The following TMEM250 variants were observed in gnomAD, a reference collection of about 807,000 sequenced individuals.
The protein encoded by TMEM250 is transmembrane protein 250.
In TMEM250, 7 loss-of-function variants were observed where a neutral mutation model predicts 7.0. The observed-to-expected ratio is 1.00, with a 90% CI of 0.57 to 1.87. The LOEUF (loss-of-function observed/expected upper bound fraction) is 1.87, where lower values mean the gene tolerates loss of function less well. TMEM250 is among the 40% of genes most tolerant of loss of function. The pLI is 0.00. For missense variants in TMEM250, 196 were observed against 202.5 expected, an observed-to-expected ratio of 0.97 and a Z score of 0.19; for synonymous variants, 135 against 96.7, an observed-to-expected ratio of 1.40 and a Z score of -2.32.
At position 136,117,024 on chromosome 9, in the gene TMEM250, C is replaced by T; in HGVS notation, c.-124G>A. 7.4e-7 allele frequency: 1 copy of T among 1,344,744 alleles called. No individual in the cohort carries two copies. The allele number at this position is 1,344,744 out of a possible 1,614,324, so 83.3% of individuals were successfully genotyped here. The stretch of plus-strand genomic sequence containing the variant: ...AGCTGACCCTGGGGGGAGGCGTCGG[C>T]CTGCGGGGAGAGCCGCAAAACCCAC... On this transcript the variant is annotated splice_region_variant and 5_prime_UTR_variant, in exon 2 of 2. Transcript: ENST00000418388.
In TMEM250 at chr9:136,116,747, CGTACAGCCAGCGCGTCTTGAT is replaced by C. The variant is rs764610468; in HGVS notation, c.133_153del (p.Ile45_Tyr51del). The C allele has an allele frequency of 1.9e-6, 3 of 1,612,406 alleles. No individual in the cohort carries two copies. The highest frequency in any genetic ancestry group is 1.3e-5 in the African/African-American group (1 of 74,932). Reference sequence around the variant, plus strand: ...AAGTAGAGTAGGAAGCGGATGAAGCCGTACAGCCAGCGCGTCTTGATGTACACGTCGAAGTTGTTGTACTTG... The same window carrying C: ...AAGTAGAGTAGGAAGCGGATGAAGCCGTACACGTCGAAGTTGTTGTACTTG... On this transcript the variant is annotated inframe_deletion, in exon 2 of 2. Transcript: ENST00000418388.
In TMEM250 at chr9:136,116,933, TGGCGGCGGC is replaced by T; in HGVS notation, c.-42_-34del. On this transcript the variant is annotated 5_prime_UTR_variant, in exon 2 of 2. Transcript: ENST00000418388. Reference sequence around the variant, plus strand: ...CGGCGGCGGCGGCGCTAGGTCGCAGTGGCGGCGGCGGTGTCCAGGCGGCTGTTGGCGTAG... The same window carrying T: ...CGGCGGCGGCGGCGCTAGGTCGCAGTGGTGTCCAGGCGGCTGTTGGCGTAG... The T allele has an allele frequency of 7.0e-7, 1 of 1,429,318 alleles. No individual in the cohort carries two copies. The highest frequency in any genetic ancestry group is 1.5e-5 in the South Asian group (1 of 67,410). 88.5% of individuals were successfully genotyped at this position (1,429,318 alleles called of 1,614,324 possible).
In TMEM250 at chr9:136,116,078, C is replaced by T. The variant is rs577092771; in HGVS notation, c.*403G>A. The T allele has an allele frequency of 4.8e-6, 2 of 416,666 alleles. No individual in the cohort carries two copies. The highest frequency in any genetic ancestry group is 2.0e-5 in the African/African-American group (1 of 48,966). The allele number at this position is 416,666 out of a possible 1,614,324, so 25.8% of individuals were successfully genotyped here. A position where few individuals can be genotyped will look rare whatever the true frequency, so the allele number is the denominator to read the frequency against. ...AGAAGGGGCTGTGCAGCCAGGAGGG[C>T]CCCCCTCCGGAATTGCTCCTGGGCA... On this transcript the variant is annotated 3_prime_UTR_variant, in exon 2 of 2. Coordinates refer to ENST00000418388, the MANE Select transcript of TMEM250 (RefSeq NM_152833.3).
Position 136,115,164 on chromosome 9 carries a change from C to T in TMEM250, c.*1317G>A, listed in dbSNP as rs1274966115. On this transcript the variant is annotated 3_prime_UTR_variant, in exon 2 of 2. Transcript: ENST00000418388. ...GAGGTGACACTAGGGTTGTCAGTAC[C>T]ACACCCTGTGTCCTGCTCTAGGGTA... is the stretch of plus-strand genomic sequence containing the variant. The T allele has an allele frequency of 6.6e-6, 1 of 152,256 alleles. No homozygotes were observed. The highest frequency in any genetic ancestry group is 1.5e-5 in the Non-Finnish European group (1 of 68,064). The allele number at this position is 152,256 out of a possible 1,614,324, so 9.4% of individuals were successfully genotyped here. A position where few individuals can be genotyped will look rare whatever the true frequency, so the allele number is the denominator to read the frequency against.
Position 136,116,726 on chromosome 9 carries a change from A to G in TMEM250, c.175T>C (p.Tyr59His). The change falls in exon 2 of 2, where the codon TAC becomes CAC. Residue 59 changes from tyrosine to histidine, a missense_variant. Physicochemically the swap from Tyr to His is moderately conservative, Grantham distance 83. Coordinates refer to ENST00000418388, the MANE Select transcript of TMEM250 (RefSeq NM_152833.3). ...WLYGFIRFLLYFSCSLFTAAL... is the reference protein window; with the variant it reads ...WLYGFIRFLLHFSCSLFTAAL... The stretch of plus-strand genomic sequence containing the variant: ...GCAGTGAACAGGCTGCAGCTAAAGT[A>G]GAGTAGGAAGCGGATGAAGCCGTAC... The G allele has an allele frequency of 6.2e-7, 1 of 1,612,516 alleles. No homozygotes were observed. The highest frequency in any genetic ancestry group is 8.5e-7 in the Non-Finnish European group (1 of 1,179,744).
rs569324479 is a variant in TMEM250, at chr9:136,116,454, G to T, written c.*27C>A. ...AGAGAACACAGCCACAGGCCGGGAC[G>T]ATACATCAAGCTCGCACCCACGGCC... On this transcript the variant is annotated 3_prime_UTR_variant, in exon 2 of 2. Coordinates refer to ENST00000418388, the MANE Select transcript of TMEM250 (RefSeq NM_152833.3). The T allele has an allele frequency of 4.7e-6, 7 of 1,502,248 alleles. No homozygotes were observed. In the African/African-American group the frequency reaches 8.3e-5, roughly 18 times the overall value. The allele number at this position is 1,502,248 out of a possible 1,614,324, so 93.1% of individuals were successfully genotyped here.
Position 136,116,321 on chromosome 9 carries a change from C to T in TMEM250, c.*160G>A. On this transcript the variant is annotated 3_prime_UTR_variant, in exon 2 of 2. Coordinates refer to ENST00000418388, the MANE Select transcript of TMEM250 (RefSeq NM_152833.3). Reference sequence around the variant, plus strand: ...AGCCAGCCTAGGGGTGGTGTCCGCGCCCCCATCACAGAAGTCTCAGCCCTT... The same window carrying T: ...AGCCAGCCTAGGGGTGGTGTCCGCGTCCCCATCACAGAAGTCTCAGCCCTT... 4.3e-6 allele frequency: 6 copies of T among 1,393,402 alleles called. No individual in the cohort carries two copies. The South Asian group carries it at 9.1e-5, about 21-fold the overall frequency. The allele number at this position is 1,393,402 out of a possible 1,614,324, so 86.3% of individuals were successfully genotyped here.
At chr9:136,118,102 C>A (rs1438008914) in intron 1 of TMEM250, 2 of 152,244 alleles carry the variant, frequency 1.3e-5, no homozygotes, top group Admixed American at 6.5e-5. Flanking sequence ...GGCTCCTCCA[C>A]GGGGTGCAGG....
At position 136,118,819 on chromosome 9, in the gene TMEM250, C is replaced by T. The variant is rs902332182; in HGVS notation, c.-459G>A. 5.9e-5 allele frequency: 9 copies of T among 152,216 alleles called. No homozygotes were observed. Among genetic ancestry groups the T allele is most frequent in the Non-Finnish European group, 4.4e-5 (3 of 68,070 alleles). The allele number at this position is 152,216 out of a possible 1,614,324, so 9.4% of individuals were successfully genotyped here. A position where few individuals can be genotyped will look rare whatever the true frequency, so the allele number is the denominator to read the frequency against. On this transcript the variant is annotated 5_prime_UTR_variant, in exon 1 of 2. Coordinates refer to ENST00000418388, the MANE Select transcript of TMEM250 (RefSeq NM_152833.3). Reference sequence around the variant, plus strand: ...GCCGACCGAGCCGCACTTCCCTTCCCCCTGCTCCGGGCCCGCGCTGGGCGT... The same window carrying T: ...GCCGACCGAGCCGCACTTCCCTTCCTCCTGCTCCGGGCCCGCGCTGGGCGT...
In TMEM250 at chr9:136,116,972, C is replaced by T. The variant is rs1830720010; in HGVS notation, c.-72G>A. ...TCCAGGCGGCTGTTGGCGTAGGGGT[C>T]ATGGGCGCCTAGGCCTGGGAGCCCG... On this transcript the variant is annotated 5_prime_UTR_variant, in exon 2 of 2. It removes an upstream start codon present in the reference 5' UTR. Transcript: ENST00000418388. 1.4e-6 allele frequency: 2 copies of T among 1,381,150 alleles called. No individual in the cohort carries two copies. Among genetic ancestry groups the T allele is most frequent in the East Asian group, 3.0e-5 (1 of 33,682 alleles). The allele number at this position is 1,381,150 out of a possible 1,614,324, so 85.6% of individuals were successfully genotyped here. A position where few individuals can be genotyped will look rare whatever the true frequency, so the allele number is the denominator to read the frequency against.
Position 136,117,009 on chromosome 9 carries a change from G to T in TMEM250, c.-109C>A. 1 of 1,349,274 alleles carries T rather than the reference G, an allele frequency of 7.4e-7. No homozygotes were observed. Among genetic ancestry groups the T allele is most frequent in the Non-Finnish European group, 9.5e-7 (1 of 1,054,244 alleles). 83.6% of individuals were successfully genotyped at this position (1,349,274 alleles called of 1,614,324 possible). ...GGCCTGGGAGCCCGCAGCTGACCCT[G>T]GGGGGAGGCGTCGGCCTGCGGGGAG... On this transcript the variant is annotated 5_prime_UTR_variant, in exon 2 of 2. Coordinates refer to ENST00000418388, the MANE Select transcript of TMEM250 (RefSeq NM_152833.3).
At position 136,114,942 on chromosome 9, in the gene TMEM250, C is replaced by T. The variant is rs1488736082; in HGVS notation, c.*1539G>A. 1 of 152,256 alleles carries T rather than the reference C, an allele frequency of 6.6e-6. No individual in the cohort carries two copies. The highest frequency in any genetic ancestry group is 2.4e-5 in the African/African-American group (1 of 41,460). The allele number at this position is 152,256 out of a possible 1,614,324, so 9.4% of individuals were successfully genotyped here. A position where few individuals can be genotyped will look rare whatever the true frequency, so the allele number is the denominator to read the frequency against. ...GCAGCCCGGGCTCATCAGAGGTCAT[C>T]CACAGAAGCTGCCGATAAATTAGAG... On this transcript the variant is annotated 3_prime_UTR_variant, in exon 2 of 2. Transcript: ENST00000418388.
intron 1 of TMEM250, chr9:136,117,777 G>A (rs1830738746): frequency 6.6e-6 from 1 of 152,530 alleles, no homozygotes; most frequent in Non-Finnish European, 1.5e-5. Context: ...GGTCGGCCCG[G>A]GGCCTGGCAG....
At chr9:136,118,437 G>A (rs1006344873) in intron 1 of TMEM250, 48 bp downstream of exon 1, 2 of 151,612 alleles carry the variant, frequency 1.3e-5, no homozygotes, top group Non-Finnish European at 2.9e-5. Context: ...GCCGCGCGTT[G>A]CCCTGGAGAC....
At chr9:136,117,468 C>T (rs1830731291) in intron 1 of TMEM250, among the ~76,000 whole-genome samples, 2 of 152,240 alleles carry the variant, frequency 1.3e-5, no homozygotes, top group African/African-American at 2.4e-5. Context: ...CCTTAAATGG[C>T]ATCTGCAAGA....
chr9:136,117,502 G>C (rs952815227), intron 1 of TMEM250, among the ~76,000 whole-genome samples: 2 of 152,258 alleles, frequency 1.3e-5, no homozygotes, highest in African/African-American at 4.8e-5. Flanking sequence ...CCGGGAAAAG[G>C]GACTCCAGGG....
chr9:136,115,976 C>T lies in TMEM250; in HGVS notation c.*505G>A, dbSNP rs78492909. ...CTCAGGCGGCCCAGGGCAGAGTAAGCAGCTTTGTGGCAGTGTGGTGTGTCA... is the reference window on the plus strand; with the variant it reads ...CTCAGGCGGCCCAGGGCAGAGTAAGTAGCTTTGTGGCAGTGTGGTGTGTCA... On this transcript the variant is annotated 3_prime_UTR_variant, in exon 2 of 2. Transcript: ENST00000418388. 328 of 405,778 alleles carry T rather than the reference C, an allele frequency of 8.1e-4. 4 individuals carry two copies. In the East Asian group the frequency reaches 0.011, roughly 14 times the overall value. The allele number at this position is 405,778 out of a possible 1,614,324, so 25.1% of individuals were successfully genotyped here. A position where few individuals can be genotyped will look rare whatever the true frequency, so the allele number is the denominator to read the frequency against.
At position 136,116,970 on chromosome 9, in the gene TMEM250, G is replaced by T; in HGVS notation, c.-70C>A. ...TGTCCAGGCGGCTGTTGGCGTAGGG[G>T]TCATGGGCGCCTAGGCCTGGGAGCC... On this transcript the variant is annotated 5_prime_UTR_variant, in exon 2 of 2. Transcript: ENST00000418388. The T allele has an allele frequency of 7.2e-7, 1 of 1,383,366 alleles. No individual in the cohort carries two copies. Among genetic ancestry groups the T allele is most frequent in the Non-Finnish European group, 9.3e-7 (1 of 1,075,462 alleles). The allele number at this position is 1,383,366 out of a possible 1,614,324, so 85.7% of individuals were successfully genotyped here.
rs371903181 is a variant in TMEM250, at chr9:136,115,929, T to A, written c.*552A>T. ...GCCCCTCAGGATGACACACACAGGG[T>A]GGTCCGCGGGCAGTGCCAGGCCTCA... On this transcript the variant is annotated 3_prime_UTR_variant, in exon 2 of 2. Transcript: ENST00000418388. 23 of 399,138 alleles carry A rather than the reference T, an allele frequency of 5.8e-5. No individual in the cohort carries two copies. Among genetic ancestry groups the A allele is most frequent in the East Asian group, 4.3e-4 (12 of 27,968 alleles). The allele number at this position is 399,138 out of a possible 1,614,324, so 24.7% of individuals were successfully genotyped here.
Sources: allele counts gnomAD v4.1 joint callset (sites outside exome capture counted in the v4.1 genomes callset), GRCh38; gene constraint gnomAD v4.1.1; transcripts MANE v1.5; gene names NCBI Gene and HGNC (gene_info 2026-07-23, HGNC 2026-07-21).